NXPH1: variants seen among roughly 807,000 people sequenced by gnomAD.
NXPH1 encodes the protein neurexophilin 1, also known as neurexophilin-1.
A neutral mutation model predicts 23.7 loss-of-function variants in NXPH1; 5 were observed. The ratio of observed to expected loss-of-function variants is 0.21; its 90% CI spans 0.11 to 0.44. The LOEUF (loss-of-function observed/expected upper bound fraction) is 0.44, where lower values mean the gene tolerates loss of function less well. NXPH1 is among the 20% of genes least tolerant of loss of function. The pLI, the probability that NXPH1 is intolerant of heterozygous loss-of-function variation, is 0.99. For synonymous variants in NXPH1, 144 were observed against 122.2 expected (o/e 1.18, Z -1.18); for missense variants, 324 against 321.6 (o/e 1.01, Z -0.06).
chr7:8,474,601 G>A (rs79765699), intron 2 of NXPH1, among the ~76,000 whole-genome samples: 3,610 of 152,086 alleles, frequency 0.024, 151 homozygotes, highest in African/African-American at 0.083. Flanking sequence ...AAACTACTTC[G>A]AAATCTGCTT....
At chr7:8,668,812 G>C (rs890549432) in intron 2 of NXPH1, among the ~76,000 whole-genome samples, 2 of 152,178 alleles carry the variant, frequency 1.3e-5, no homozygotes, top group Non-Finnish European at 2.9e-5. Flanking sequence ...GGCTGGCCTG[G>C]AGCCTGGGTC....
At chr7:8,604,734 G>T (rs868329845) in intron 2 of NXPH1, among the ~76,000 whole-genome samples, 2 of 152,108 alleles carry the variant, frequency 1.3e-5, no homozygotes, top group Middle Eastern at 6.8e-3. Context: ...TTCCAATATG[G>T]TACTAGACTA....
chr7:8,481,147 T>C (rs1347378748), intron 2 of NXPH1, among the ~76,000 whole-genome samples: 2 of 152,178 alleles, frequency 1.3e-5, no homozygotes, highest in Non-Finnish European at 2.9e-5. Context: ...TTTCAGTCAA[T>C]ATCTTAAAAT....
intron 2 of NXPH1, among the ~76,000 whole-genome samples, chr7:8,667,121 A>G (rs535704908): frequency 1.3e-5 from 2 of 152,204 alleles, no homozygotes; most frequent in Admixed American, 6.5e-5. Flanking sequence ...TTAATGCCAC[A>G]GTTTAATTTT....
At chr7:8,529,624 T>C (rs1817921018) in intron 2 of NXPH1, among the ~76,000 whole-genome samples, 2 of 152,176 alleles carry the variant, frequency 1.3e-5, no homozygotes, top group East Asian at 1.9e-4. Flanking sequence ...ATTTATTAAC[T>C]CAATCAAATT....
chr7:8,592,314 A>C (rs899028192), intron 2 of NXPH1, among the ~76,000 whole-genome samples: 1 of 151,996 alleles, frequency 6.6e-6, no homozygotes, highest in Non-Finnish European at 1.5e-5. Context: ...TACATAATAT[A>C]GCAACAATTG....
chr7:8,542,941 C>T (rs1480713123), intron 2 of NXPH1, among the ~76,000 whole-genome samples: 2 of 151,514 alleles, frequency 1.3e-5, no homozygotes, highest in Admixed American at 6.6e-5. Context: ...AGGTATAATG[C>T]ATAGCGTAAT....
At chr7:8,702,659 A>G (rs968102144) in intron 2 of NXPH1, among the ~76,000 whole-genome samples, 1 of 152,146 alleles carries the variant, frequency 6.6e-6, no homozygotes, top group Non-Finnish European at 1.5e-5. Flanking sequence ...AGACAAACTT[A>G]TAATTATATA....
At chr7:8,600,808 A>G (rs1180323655) in intron 2 of NXPH1, among the ~76,000 whole-genome samples, 2 of 152,162 alleles carry the variant, frequency 1.3e-5, no homozygotes, top group African/African-American at 2.4e-5. Context: ...ACTTTGTTTA[A>G]AAACAGAAGT....
At chr7:8,461,836 C>CAAAAAAAAAAAAAA (rs748848772) in intron 2 of NXPH1, among the ~76,000 whole-genome samples, 652 of 41,310 alleles carry the variant, frequency 0.016, 8 homozygotes, top group Non-Finnish European at 0.025. Flanking sequence ...GACTCCGTCT[C>CAAAAAAAAAAAAAA]AAAAAAAAAA....
intron 2 of NXPH1, among the ~76,000 whole-genome samples, chr7:8,622,910 T>C (rs1047585389): frequency 2.0e-5 from 3 of 152,090 alleles, no homozygotes; most frequent in African/African-American, 7.2e-5. Context: ...GAAGAAAATA[T>C]TTGTAGCTGC....
intron 2 of NXPH1, among the ~76,000 whole-genome samples, chr7:8,619,635 G>A (rs1305390376): frequency 6.6e-6 from 1 of 152,122 alleles, no homozygotes; most frequent in African/African-American, 2.4e-5. Context: ...CAAAATAATA[G>A]TTATAAATTC....
intron 2 of NXPH1, among the ~76,000 whole-genome samples, chr7:8,730,849 G>A (rs1266603876): frequency 6.6e-6 from 1 of 150,934 alleles, no homozygotes; most frequent in African/African-American, 2.4e-5. Flanking sequence ...GAGTATCTTT[G>A]TGGTGTTCTC....
intron 2 of NXPH1, among the ~76,000 whole-genome samples, chr7:8,618,679 A>C (rs148851446): frequency 6.6e-6 from 1 of 152,314 alleles, no homozygotes; most frequent in East Asian, 1.9e-4. Context: ...TTGCTAATGC[A>C]TTGTTTCCTT....
rs549329541 is a variant in NXPH1, at chr7:8,503,696, C to A, written c.54+67929C>A. On this transcript the variant is annotated intron_variant, in intron 2 of 2. Coordinates refer to ENST00000405863, the MANE Select transcript of NXPH1 (RefSeq NM_152745.3). ...TGGTTTGATCTTCTCTGTAACATTT[C>A]TCTGTTTTCTGCTATCTTGCCACAC... Among the ~76,000 whole-genome samples the A allele has an allele frequency of 7.9e-5, 12 of 152,076 alleles. No homozygotes were observed. In the South Asian group the frequency reaches 2.3e-3, roughly 29 times the overall value.
intron 2 of NXPH1, among the ~76,000 whole-genome samples, chr7:8,534,075 G>T (rs993173696): frequency 6.6e-6 from 1 of 152,106 alleles, no homozygotes; most frequent in Non-Finnish European, 1.5e-5. Flanking sequence ...AACAACATCA[G>T]TTAAGTCATT....
chr7:8,555,817 A>T (rs972524674), intron 2 of NXPH1, among the ~76,000 whole-genome samples: 11 of 151,638 alleles, frequency 7.3e-5, no homozygotes, highest in African/African-American at 2.4e-4. Flanking sequence ...TGTCTACTTT[A>T]TATTTTTTAT....
At chr7:8,612,153 C>T (rs1025584020) in intron 2 of NXPH1, among the ~76,000 whole-genome samples, 2 of 151,024 alleles carry the variant, frequency 1.3e-5, no homozygotes, top group African/African-American at 4.9e-5. Context: ...CCCTTCTTTC[C>T]TTTCTCTTTC....
At chr7:8,483,490 G>A (rs576561223) in intron 2 of NXPH1, among the ~76,000 whole-genome samples, 1 of 151,780 alleles carries the variant, frequency 6.6e-6, no homozygotes, top group Non-Finnish European at 1.5e-5. Context: ...TGTATTTTCT[G>A]TAGAGACTGG....
Sources: gnomAD v4.1 joint callset for allele counts (sites outside exome capture counted in the v4.1 genomes callset) on GRCh38, gnomAD v4.1.1 for gene constraint, MANE v1.5 for transcripts, NCBI Gene and HGNC (gene_info 2026-07-23, HGNC 2026-07-21) for gene names.